Variants in ANKFN1 observed in about 807,000 individuals in gnomAD.
ANKFN1 encodes ankyrin repeat and fibronectin type-III domain-containing protein 1.
Under a neutral mutation model 108.7 loss-of-function variants are expected in ANKFN1, and 74 were observed. The observed-to-expected ratio is 0.68, with a 90% CI of 0.56 to 0.83. ANKFN1 has a LOEUF of 0.83. Among genes scored for constraint, ANKFN1 ranks in the 40% least tolerant of loss-of-function variants. The pLI, the probability that ANKFN1 is intolerant of heterozygous loss-of-function variation, is 0.00. For synonymous variants in ANKFN1, 547 were observed against 516.2 expected, an observed-to-expected ratio of 1.06 and a Z score of -0.81; for missense variants, 1,505 against 1,382.3, an observed-to-expected ratio of 1.09 and a Z score of -1.41.
chr17:56,299,844 TC>T (rs1567895781), intron 3 of ANKFN1, among the ~76,000 whole-genome samples: 1 of 152,206 alleles, frequency 6.6e-6, no homozygotes, highest in African/African-American at 2.4e-5. Flanking sequence ...ACATTTGGAC[TC>T]CATAAGCATT....
At chr17:56,131,839 A>G (rs1369275566) in intron 4 of ANKFN1, among the ~76,000 whole-genome samples, 2 of 152,218 alleles carry the variant, frequency 1.3e-5, no homozygotes, top group Non-Finnish European at 2.9e-5. Context: ...CCTGGACAAC[A>G]TAGCAAAACC....
intron 14 of ANKFN1, among the ~76,000 whole-genome samples, chr17:56,458,961 C>T (rs769999583): frequency 2.0e-5 from 3 of 152,186 alleles, no homozygotes; most frequent in Non-Finnish European, 4.4e-5. Context: ...AATTCAACTT[C>T]CTGCAATATT....
intron 4 of ANKFN1, among the ~76,000 whole-genome samples, chr17:56,106,006 T>G (rs1598096566): frequency 6.6e-6 from 1 of 152,188 alleles, no homozygotes; most frequent in South Asian, 2.1e-4. Flanking sequence ...AGTGCAGAAG[T>G]TGAGAAACCT....
chr17:56,337,293 C>G (rs954809864), intron 4 of ANKFN1, among the ~76,000 whole-genome samples: 1 of 152,010 alleles, frequency 6.6e-6, no homozygotes, highest in Non-Finnish European at 1.5e-5. Flanking sequence ...TCTGTCTCGT[C>G]GATCTGTCTA....
intron 8 of ANKFN1, among the ~76,000 whole-genome samples, chr17:56,403,318 G>A (rs1279524898): frequency 6.6e-6 from 1 of 151,970 alleles, no homozygotes; most frequent in Non-Finnish European, 1.5e-5. Context: ...TACTATTATT[G>A]TGTTGCTGTC....
chr17:56,165,979 A>G (rs571837183), intron 1 of ANKFN1, among the ~76,000 whole-genome samples: 1 of 152,182 alleles, frequency 6.6e-6, no homozygotes, highest in South Asian at 2.1e-4. Context: ...TGTTTTCCAC[A>G]TTTCAGTCTG....
chr17:56,506,085 T>G (rs2051551628), intron 20 of ANKFN1, among the ~76,000 whole-genome samples: 1 of 152,208 alleles, frequency 6.6e-6, no homozygotes, highest in African/African-American at 2.4e-5. Flanking sequence ...TATTATACTT[T>G]AAGTTCTAGG....
At chr17:56,100,097 A>G (rs1905612763) in intron 4 of ANKFN1, among the ~76,000 whole-genome samples, 2 of 152,244 alleles carry the variant, frequency 1.3e-5, no homozygotes, top group South Asian at 4.1e-4. Context: ...TAATAATTTG[A>G]TCAAAATAAT....
At chr17:56,400,884 A>T (rs61182586) in intron 8 of ANKFN1, among the ~76,000 whole-genome samples, 7,034 of 152,060 alleles carry the variant, frequency 0.046, 484 homozygotes, top group African/African-American at 0.16. Context: ...CTTTGTCAAA[A>T]ATCGGTTGGC....
intron 8 of ANKFN1, among the ~76,000 whole-genome samples, chr17:56,423,560 C>A (rs911516305): frequency 2.0e-5 from 3 of 151,626 alleles, no homozygotes; most frequent in Non-Finnish European, 4.4e-5. Flanking sequence ...CTACGTCTTG[C>A]CTTCCTCTTC....
rs552562622 is a variant in ANKFN1, at chr17:56,515,987, G to A, written c.*4718G>A. ...CTCCTACAGATTTTTTTTTATTTTA[G>A]CAAAAGCCAATGTTTAACTTAGTGG... is the stretch of plus-strand genomic sequence containing the variant. On this transcript the variant is annotated 3_prime_UTR_variant, in exon 21 of 21. Coordinates refer to ENST00000682825, the MANE Select transcript of ANKFN1 (RefSeq NM_001370326.1). Among the ~76,000 whole-genome samples, 3 of 151,958 alleles carry A rather than the reference G, an allele frequency of 2.0e-5. No homozygotes were observed. The highest frequency in any genetic ancestry group is 6.5e-5 in the Admixed American group (1 of 15,274).
At position 56,140,412 on chromosome 17, in the gene ANKFN1, G is replaced by A. The variant is rs140577058; in HGVS notation, c.289-87505G>A. 3.9e-5 allele frequency among the ~76,000 whole-genome samples: 6 copies of A among 152,226 alleles called. No homozygotes were observed. In the East Asian group the frequency reaches 5.8e-4, roughly 15 times the overall value. On this transcript the variant is annotated intron_variant, in intron 4 of 12. Transcript: ENST00000635860. Reference sequence around the variant, plus strand: ...CATGGCACCATAAGATCAACCATCCGAAAGGGAGGAGTATGACTCTTTCAT... The same window carrying A: ...CATGGCACCATAAGATCAACCATCCAAAAGGGAGGAGTATGACTCTTTCAT...
chr17:56,169,364 T>A (rs1397562142), intron 1 of ANKFN1, among the ~76,000 whole-genome samples: 1 of 152,078 alleles, frequency 6.6e-6, no homozygotes, highest in Non-Finnish European at 1.5e-5. Flanking sequence ...CCTGAACTCC[T>A]GGGCTGAAGC....
chr17:56,410,998 C>A (rs2048074083), intron 8 of ANKFN1, among the ~76,000 whole-genome samples: 2 of 152,114 alleles, frequency 1.3e-5, no homozygotes, highest in African/African-American at 2.4e-5. Context: ...GAGGTCTTTG[C>A]TGGTTTCATA....
At chr17:56,434,115 G>C (rs1283039382) in intron 8 of ANKFN1, among the ~76,000 whole-genome samples, 1 of 152,198 alleles carries the variant, frequency 6.6e-6, no homozygotes, top group African/African-American at 2.4e-5. Context: ...TCAGACTATG[G>C]AGGAGACTTT....
intron 3 of ANKFN1, among the ~76,000 whole-genome samples, chr17:56,277,239 C>T (rs529533905): frequency 6.6e-6 from 1 of 152,244 alleles, no homozygotes; most frequent in African/African-American, 2.4e-5. Context: ...ATTAAAGTAA[C>T]TTTGATCTCA....
intron 4 of ANKFN1, among the ~76,000 whole-genome samples, chr17:56,337,275 G>T (rs2045836750): frequency 6.6e-6 from 1 of 152,148 alleles, no homozygotes; most frequent in African/African-American, 2.4e-5. Context: ...GGATATCCTT[G>T]TTAACCTTCT....
chr17:56,135,451 A>G (rs1464467636), intron 4 of ANKFN1, among the ~76,000 whole-genome samples: 1 of 152,180 alleles, frequency 6.6e-6, no homozygotes, highest in African/African-American at 2.4e-5. Flanking sequence ...TAGATTCCTT[A>G]CCTGGTGTTC....
intron 4 of ANKFN1, among the ~76,000 whole-genome samples, chr17:56,095,187 G>GA (rs1410350413): frequency 6.6e-6 from 1 of 150,922 alleles, no homozygotes; most frequent in Admixed American, 6.6e-5. Context: ...TGCTGATTTG[G>GA]AAAAATAGGC....
Sources: allele counts gnomAD v4.1 joint callset (sites outside exome capture counted in the v4.1 genomes callset), GRCh38; gene constraint gnomAD v4.1.1; transcripts MANE v1.5; gene names NCBI Gene and HGNC (gene_info 2026-07-23, HGNC 2026-07-21).